Variants in OTOGL observed in about 807,000 individuals in gnomAD.
OTOGL encodes otogelin like, also known as otogelin-like protein.
OTOGL carries 285 observed loss-of-function variants against 318.5 expected under a neutral mutation model. That is an observed-to-expected ratio of 0.89 (90% CI 0.81 to 0.99). The LOEUF (loss-of-function observed/expected upper bound fraction) is 0.99, where lower values mean the gene tolerates loss of function less well. Ranked by LOEUF, OTOGL falls within the 50% of genes least tolerant of loss-of-function variation. The pLI, the probability that OTOGL is intolerant of heterozygous loss-of-function variation, is 0.00. For missense variants in OTOGL, 2,899 were observed against 2,845.6 expected (o/e 1.02, Z -0.43); for synonymous variants, 987 against 936.5 (o/e 1.05, Z -0.99).
chr12:80,303,674 C>T (rs1163412960), intron 28 of OTOGL, among the ~76,000 whole-genome samples: 1 of 152,134 alleles, frequency 6.6e-6, no homozygotes, highest in Non-Finnish European at 1.5e-5. Context: ...GGGAAGCAAT[C>T]AACTTCTTCA....
intron 1 of OTOGL, among the ~76,000 whole-genome samples, chr12:80,148,462 C>G (rs1471326951): frequency 6.7e-6 from 1 of 149,212 alleles, no homozygotes; most frequent in Admixed American, 6.7e-5. Flanking sequence ...GGTAACCCGA[C>G]CTTTCTCTCT....
intron 11 of OTOGL, among the ~76,000 whole-genome samples, chr12:80,243,498 T>A (rs1880559399): frequency 6.6e-6 from 1 of 151,382 alleles, no homozygotes; most frequent in Non-Finnish European, 1.5e-5. Context: ...AAATAAGAAA[T>A]CTTGAAACAT....
chr12:80,296,029 C>T (rs1189727993), intron 26 of OTOGL, among the ~76,000 whole-genome samples: 1 of 152,018 alleles, frequency 6.6e-6, no homozygotes, highest in Non-Finnish European at 1.5e-5. Context: ...AAGGGGTCTA[C>T]CTGGAGGTGG....
chr12:80,229,038 C>A (rs1879129040), intron 7 of OTOGL, among the ~76,000 whole-genome samples: 1 of 152,118 alleles, frequency 6.6e-6, no homozygotes, highest in South Asian at 2.1e-4. Flanking sequence ...TCAAATCGTT[C>A]AAAAATATGC....
intron 2 of OTOGL, 127 bp from the exon 3 acceptor site, chr12:80,210,720 C>A: frequency 4.5e-6 from 3 of 673,676 alleles, no homozygotes; most frequent in Non-Finnish European, 6.6e-6. Flanking sequence ...CTAAAAAATG[C>A]AAAACTAACA....
chr12:80,289,663 G>A (rs1239628715), intron 26 of OTOGL, among the ~76,000 whole-genome samples: 1 of 152,224 alleles, frequency 6.6e-6, no homozygotes, highest in Non-Finnish European at 1.5e-5. Context: ...GTTCCGCCCA[G>A]TCCAAACTTC....
chr12:80,316,501 T>A (rs1393062327), intron 32 of OTOGL, among the ~76,000 whole-genome samples: 3 of 152,216 alleles, frequency 2.0e-5, no homozygotes, highest in African/African-American at 7.2e-5. Context: ...CTAGTGATGG[T>A]TCATTCTTCT....
Position 80,233,005 on chromosome 12 carries a change from A to G in OTOGL, c.725A>G (p.Tyr242Cys). Residue 242 changes from tyrosine (Y) to cysteine (C), a missense_variant, in exon 9 of 59, where the codon TAC (tyrosine) becomes TGC (cysteine). This residue lies in a region of OTOGL where 2,607 missense variants were observed against 2,524.9 expected (regional missense o/e 1.03). Coordinates refer to ENST00000547103, the MANE Select transcript of OTOGL (RefSeq NM_001378609.3). ...SLAWDGISGI[Y>C]LKLSEDHKGK... ...GCTTGGGACGGGATATCTGGGATCT[A>G]CCTCAAGCTGTCTGAGGACCATAAG... The G allele has an allele frequency of 6.3e-7, 1 of 1,598,678 alleles. No homozygotes were observed. The highest frequency in any genetic ancestry group is 8.5e-7 in the Non-Finnish European group (1 of 1,179,066).
At chr12:80,154,026 A>C (rs1872956394) in intron 1 of OTOGL, among the ~76,000 whole-genome samples, 1 of 152,200 alleles carries the variant, frequency 6.6e-6, no homozygotes, top group African/African-American at 2.4e-5. Context: ...ACTTAACTTG[A>C]AGCTGGACAC....
intron 7 of OTOGL, among the ~76,000 whole-genome samples, chr12:80,223,149 C>T (rs1327896155): frequency 6.6e-6 from 1 of 151,976 alleles, no homozygotes; most frequent in Non-Finnish European, 1.5e-5. Flanking sequence ...GTTTTCTATT[C>T]CCAAGTTACT....
At chr12:80,229,136 A>G (rs2137388713) in intron 7 of OTOGL, 121 bp from the exon 8 acceptor site, 2 of 1,154,748 alleles carry the variant, frequency 1.7e-6, no homozygotes, top group Non-Finnish European at 2.4e-6. Flanking sequence ...AAATGTAGTT[A>G]TAACGTTGTA....
At chr12:80,121,844 C>A in intron 1 of OTOGL, among the ~76,000 whole-genome samples, 1 of 152,232 alleles carries the variant, frequency 6.6e-6, no homozygotes, top group East Asian at 1.9e-4. Context: ...TAAGCAGGAA[C>A]AATTTGTATT....
At chr12:80,160,909 G>A (rs948503250) in intron 1 of OTOGL, among the ~76,000 whole-genome samples, 1 of 152,072 alleles carries the variant, frequency 6.6e-6, no homozygotes, top group Non-Finnish European at 1.5e-5. Flanking sequence ...CCCCAAAAAG[G>A]AACAAATTAA....
chr12:80,152,050 C>T (rs1872816835), intron 1 of OTOGL, among the ~76,000 whole-genome samples: 1 of 152,146 alleles, frequency 6.6e-6, no homozygotes, highest in Non-Finnish European at 1.5e-5. Context: ...AGGCCTCTTT[C>T]TACTCAATTG....
chr12:80,139,363 A>G lies in OTOGL; in HGVS notation c.-20+39758A>G, dbSNP rs994572233. On this transcript the variant is annotated intron_variant, in intron 1 of 58. Transcript: ENST00000547103. ...ATTTTCATTTAAATAAGTCAATATG[A>G]ATTTTATCCTTTATAACTGAGCCTT... Among the ~76,000 whole-genome samples, 5 of 152,152 alleles carry G rather than the reference A, an allele frequency of 3.3e-5. No individual in the cohort carries two copies. The East Asian group carries it at 5.8e-4, about 18-fold the overall frequency.
At chr12:80,183,301 G>A (rs983296380) in intron 1 of OTOGL, among the ~76,000 whole-genome samples, 6 of 152,000 alleles carry the variant, frequency 3.9e-5, no homozygotes, top group South Asian at 2.1e-4. Context: ...ATAATTCAAG[G>A]GCTTGTGATT....
rs537890371 is a variant in OTOGL at position 80,197,030 on chromosome 12, A to T, written c.-19-12383A>T. On this transcript the variant is annotated intron_variant, in intron 1 of 58. Transcript: ENST00000547103. Reference sequence around the variant, plus strand: ...ATTTTCTCTGAAGCCTGCTACCTGGAGGCTTCATTGGCATGATACAACTTT... The same window carrying T: ...ATTTTCTCTGAAGCCTGCTACCTGGTGGCTTCATTGGCATGATACAACTTT... Among the ~76,000 whole-genome samples, 7 of 152,290 alleles carry T rather than the reference A, an allele frequency of 4.6e-5. No individual in the cohort carries two copies. In the South Asian group the frequency reaches 1.2e-3, roughly 27 times the overall value.
At chr12:80,178,309 C>T (rs1874679082) in intron 1 of OTOGL, among the ~76,000 whole-genome samples, 1 of 152,018 alleles carries the variant, frequency 6.6e-6, no homozygotes, top group Non-Finnish European at 1.5e-5. Context: ...GATCCGCCTG[C>T]CTCGACCTCC....
intron 1 of OTOGL, among the ~76,000 whole-genome samples, chr12:80,158,770 A>T (rs1037920760): frequency 1.1e-4 from 16 of 152,202 alleles, no homozygotes; most frequent in African/African-American, 2.6e-4. Context: ...CGATCATATC[A>T]TCAGCAAACA....
Sources: allele counts gnomAD v4.1 joint callset (sites outside exome capture counted in the v4.1 genomes callset), GRCh38; gene constraint gnomAD v4.1.1; regional missense constraint gnomAD v4.1.1; transcripts MANE v1.5; gene names NCBI Gene and HGNC (gene_info 2026-07-23, HGNC 2026-07-21).